The following ITGA8 variants were observed in gnomAD, a reference collection of about 807,000 sequenced individuals.
The protein encoded by ITGA8 is integrin subunit alpha 8.
In ITGA8, 91 loss-of-function variants were observed where a neutral mutation model predicts 142.3. The ratio of observed to expected loss-of-function variants is 0.64; its 90% CI spans 0.54 to 0.76. The LOEUF is 0.76. ITGA8 is among the 30% of genes least tolerant of loss of function. ITGA8 has a pLI of 0.00. For missense variants in ITGA8, 1,406 were observed against 1,327.7 expected (o/e 1.06, Z -0.92); for synonymous variants, 505 against 485.2 (o/e 1.04, Z -0.54).
Position 15,678,760 on chromosome 10 carries a change from C to G in ITGA8, c.592G>C (p.Gly198Arg). ...AGACTAAATCCTGCTTGGCAGTAAC[C>G]CTGGCCTTCCGGATCAGCATTGCCT... ...RNSNADPEGQ[G>R]YCQAGFSLDF... Residue 198 changes from glycine to arginine, a missense_variant, in exon 5 of 30, where the codon GGT (glycine) becomes CGT (arginine). Physicochemically the swap from Gly to Arg is moderately radical, Grantham distance 125. Coordinates refer to ENST00000378076, the MANE Select transcript of ITGA8 (RefSeq NM_003638.3). 6.2e-7 allele frequency: 1 copy of G among 1,609,808 alleles called. No homozygotes were observed. The highest frequency in any genetic ancestry group is 1.7e-5 in the Admixed American group (1 of 59,862).
At chr10:15,655,458 T>C in intron 10 of ITGA8, 52 bp from the exon 11 acceptor site, 1 of 1,173,160 alleles carries the variant, frequency 8.5e-7, no homozygotes, top group Non-Finnish European at 1.3e-6. Flanking sequence ...GTCATTTTTG[T>C]AGTCATGTCT....
chr10:15,581,031 T>C (rs1834398247), intron 23 of ITGA8, among the ~76,000 whole-genome samples: 1 of 152,332 alleles, frequency 6.6e-6, no homozygotes, highest in South Asian at 2.1e-4. Flanking sequence ...GGGTAATGAG[T>C]AAGCTCTTGG....
At chr10:15,650,199 T>G (rs1834060672) in intron 11 of ITGA8, among the ~76,000 whole-genome samples, 1 of 152,168 alleles carries the variant, frequency 6.6e-6, no homozygotes, top group African/African-American at 2.4e-5. Context: ...TGCTGTATGA[T>G]TCCAACTGCA....
At chr10:15,572,159 TCATACCATAA>T in intron 25 of ITGA8, 42 bp downstream of exon 25, 1 of 1,447,200 alleles carries the variant, frequency 6.9e-7, no homozygotes, top group Non-Finnish European at 9.3e-7. Context: ...TGTATTTTTT[TCATACCATAA>T]AAATAAAATC....
chr10:15,644,692 G>A (rs895338442), intron 12 of ITGA8, among the ~76,000 whole-genome samples: 17 of 149,702 alleles, frequency 1.1e-4, no homozygotes, highest in Admixed American at 9.3e-4. Context: ...TACTCAAAAA[G>A]CAGTATCGAA....
intron 2 of ITGA8, among the ~76,000 whole-genome samples, chr10:15,708,221 T>A (rs1178944709): frequency 6.6e-6 from 1 of 152,206 alleles, no homozygotes; most frequent in African/African-American, 2.4e-5. Context: ...CCCCCTTAGA[T>A]GACATTTTTA....
chr10:15,571,339 A>G (rs1050732889), intron 25 of ITGA8, among the ~76,000 whole-genome samples: 4 of 152,220 alleles, frequency 2.6e-5, no homozygotes, highest in African/African-American at 7.2e-5. Context: ...CATTTTTAAT[A>G]GAGACACTGT....
In ITGA8 at chr10:15,531,066, G is replaced by T; in HGVS notation, c.2966C>A (p.Pro989Gln). 3.2e-6 allele frequency: 5 copies of T among 1,552,886 alleles called. No homozygotes were observed. Among genetic ancestry groups the T allele is most frequent in the Non-Finnish European group, 4.4e-6 (5 of 1,140,488 alleles). ...GATACTCACTACTATGCTTCCTTCT[G>T]GGAGTTTTGCTGGCTGATCTGTATA... ...MPYTDQPAKL[P>Q]EGSIVIKTSV... Residue 989 changes from proline to glutamine, a missense_variant, in exon 28 of 30, where the codon CCA (proline) becomes CAA (glutamine). Physicochemically the swap from Pro to Gln is moderately conservative, Grantham distance 76 (BLOSUM62 -1). Transcript: ENST00000378076.
intron 22 of ITGA8, among the ~76,000 whole-genome samples, chr10:15,587,361 C>T (rs4750681): frequency 0.21 from 31,323 of 152,052 alleles, 4,389 homozygotes; most frequent in East Asian, 0.37. Flanking sequence ...ACAACACAGC[C>T]AACTCCTGAT....
In ITGA8 at chr10:15,700,512, T is replaced by C. The variant is rs186645115; in HGVS notation, c.344-12474A>G. ...GTATTGTATGCTATCGCAGTAAACA[T>C]GCAAATAAGATGTCGCATGCAGTAA... On this transcript the variant is annotated intron_variant, in intron 2 of 29. Transcript: ENST00000378076. Among the ~76,000 whole-genome samples the C allele has an allele frequency of 4.0e-3, 610 of 152,254 alleles. 13 individuals carry two copies. Among genetic ancestry groups the C allele is most frequent in the Non-Finnish European group, 3.7e-3 (252 of 68,034 alleles).
chr10:15,604,186 T>G, intron 20 of ITGA8, 22 bp downstream of exon 20: 1 of 1,598,756 alleles, frequency 6.3e-7, no homozygotes, highest in East Asian at 2.2e-5. Context: ...GCTCTTGACT[T>G]CAAACAATTT....
chr10:15,667,160 G>T (rs1399475032), intron 8 of ITGA8, among the ~76,000 whole-genome samples: 1 of 152,076 alleles, frequency 6.6e-6, no homozygotes, highest in Non-Finnish European at 1.5e-5. Context: ...GAATTTTTTT[G>T]GTTGGTAAGC....
intron 16 of ITGA8, 117 bp downstream of exon 16, chr10:15,608,118 C>T (rs1290939179): frequency 4.0e-6 from 3 of 754,950 alleles, no homozygotes; most frequent in Non-Finnish European, 6.8e-6. Context: ...ATATATGCAA[C>T]AGATATCTTG....
chr10:15,642,146 A>G (rs971864568), intron 13 of ITGA8, among the ~76,000 whole-genome samples: 2 of 152,134 alleles, frequency 1.3e-5, no homozygotes, highest in Admixed American at 6.5e-5. Context: ...AAGGAAAAGA[A>G]AAAAAGAGGT....
At position 15,604,206 on chromosome 10, in the gene ITGA8, A is replaced by G; in HGVS notation, c.2118+2T>C. 1 of 1,607,424 alleles carries G rather than the reference A, an allele frequency of 6.2e-7. No individual in the cohort carries two copies. The highest frequency in any genetic ancestry group is 8.5e-7 in the Non-Finnish European group (1 of 1,177,926). On this transcript the variant is annotated splice_donor_variant, in intron 20 of 29. Coordinates refer to ENST00000378076, the MANE Select transcript of ITGA8 (RefSeq NM_003638.3). LOFTEE classifies it high-confidence loss of function. ...TGACTTCAAACAATTTGCAGGCATT[A>G]CCTTGTTGTTGCGTTCGATTCCAAC... is the stretch of plus-strand genomic sequence containing the variant.
rs761835367 is a variant in ITGA8, at chr10:15,607,812, T to C, written c.1629A>G (p.Gln543=). 17 of 1,612,364 alleles carry C rather than the reference T, an allele frequency of 1.1e-5. No individual in the cohort carries two copies. The highest frequency in any genetic ancestry group is 1.4e-5 in the Non-Finnish European group (17 of 1,179,256). Residue 543 remains glutamine (Q), a synonymous_variant, in exon 17 of 30, where the codon CAA becomes CAG. Transcript: ENST00000378076. The stretch of plus-strand genomic sequence containing the variant: ...CTCCTTTCTGTTTCAGGGAATCTAA[T>C]TGCACCTCTGCCATCAAGACTAAAG... The part of the protein sequence containing the change: ...ANTIVLMAEV[Q]LDSLKQKGAI...
chr10:15,694,816 C>T (rs978121627), intron 2 of ITGA8, among the ~76,000 whole-genome samples: 25 of 150,920 alleles, frequency 1.7e-4, no homozygotes, highest in African/African-American at 6.1e-4. Flanking sequence ...ACTTGTGGCA[C>T]TCAGGAATGA....
intron 25 of ITGA8, 65 bp downstream of exon 25, chr10:15,572,146 G>T: frequency 1.5e-6 from 2 of 1,354,438 alleles, no homozygotes; most frequent in Non-Finnish European, 2.0e-6. Context: ...AACAAGCCCA[G>T]TTTGTATTTT....
At chr10:15,570,351 T>C (rs1352123900) in intron 25 of ITGA8, among the ~76,000 whole-genome samples, 3 of 152,130 alleles carry the variant, frequency 2.0e-5, no homozygotes, top group Non-Finnish European at 4.4e-5. Context: ...CTCACGCCTG[T>C]AATCCCAGCA....
Sources: gnomAD v4.1 joint callset for allele counts (sites outside exome capture counted in the v4.1 genomes callset) on GRCh38, gnomAD v4.1.1 for gene constraint, MANE v1.5 for transcripts, NCBI Gene and HGNC (gene_info 2026-07-23, HGNC 2026-07-21) for gene names.